Variants in MPHOSPH10 observed in about 807,000 individuals in gnomAD.
MPHOSPH10 encodes U3 small nucleolar ribonucleoprotein MPP10.
A neutral mutation model predicts 77.3 loss-of-function variants in MPHOSPH10; 33 were observed. The observed-to-expected ratio is 0.43, with a 90% CI of 0.32 to 0.57. MPHOSPH10 has a LOEUF of 0.57. Ranked by LOEUF, MPHOSPH10 falls within the 20% of genes least tolerant of loss-of-function variation. The pLI is 0.07. For missense variants in MPHOSPH10, 708 were observed against 780.1 expected (o/e 0.91, Z 1.10); for synonymous variants, 245 against 268.0 (o/e 0.91, Z 0.84).
chr2:71,138,926 C>T lies in MPHOSPH10; in HGVS notation c.1240+295C>T, dbSNP rs377141312. On this transcript the variant is annotated intron_variant, in intron 5 of 10. Coordinates refer to ENST00000244230, the MANE Select transcript of MPHOSPH10 (RefSeq NM_005791.3). ...GGCAGATTTCAGAATCCCATCTACT[C>T]GGAAGGCTGAGGCAGGAGAATTGCT... is the stretch of plus-strand genomic sequence containing the variant. 7.7e-5 allele frequency: 45 copies of T among 584,686 alleles called. No individual in the cohort carries two copies. The East Asian group carries it at 8.3e-4, about 11-fold the overall frequency. 36.2% of individuals were successfully genotyped at this position (584,686 alleles called of 1,614,324 possible). A position where few individuals can be genotyped will look rare whatever the true frequency, so the allele number is the denominator to read the frequency against.
intron 4 of MPHOSPH10, among the ~76,000 whole-genome samples, chr2:71,137,700 A>G (rs1673524736): frequency 1.3e-5 from 2 of 150,440 alleles, no homozygotes; most frequent in African/African-American, 2.4e-5. Flanking sequence ...CTGCAGATGT[A>G]TTTATATTCC....
At chr2:71,134,229 A>G (rs1307860547) in intron 3 of MPHOSPH10, 124 bp downstream of exon 3, 2 of 968,160 alleles carry the variant, frequency 2.1e-6, no homozygotes, top group Non-Finnish European at 2.9e-6. Context: ...TATTCTCAAG[A>G]TAGCCAGAGG....
chr2:71,141,108 TTAA>T, intron 6 of MPHOSPH10, 121 bp from the exon 7 acceptor site: 1 of 407,900 alleles, frequency 2.5e-6, no homozygotes, highest in South Asian at 1.1e-4. Context: ...TATTAATATA[TTAA>T]TGATAATTTA....
chr2:71,134,649 A>G lies in MPHOSPH10; in HGVS notation c.950A>G (p.Glu317Gly). The G allele has an allele frequency of 6.2e-7, 1 of 1,604,566 alleles. No individual in the cohort carries two copies. Among genetic ancestry groups the G allele is most frequent in the Non-Finnish European group, 8.5e-7 (1 of 1,177,474 alleles). Residue 317 changes from glutamate (E) to glycine (G), a missense_variant, in exon 4 of 11, where the codon GAA becomes GGA. Physicochemically the swap from Glu to Gly is moderately conservative, Grantham distance 98. This residue lies in a region of MPHOSPH10 where 433 missense variants were observed against 432.6 expected (regional missense o/e 1.00). Coordinates refer to ENST00000244230, the MANE Select transcript of MPHOSPH10 (RefSeq NM_005791.3). Reference sequence around the variant, plus strand: ...AGGGATGAAGATGATGACCTTCAAGAAAATGAAGACAATAAACAACATAAA... The same window carrying G: ...AGGGATGAAGATGATGACCTTCAAGGAAATGAAGACAATAAACAACATAAA... ...SETDEDDDLQ[E>G]NEDNKQHKES...
At position 71,149,042 on chromosome 2, in the gene MPHOSPH10, A is replaced by C. The variant is rs72905550; in HGVS notation, c.1666-181A>C. 6.8e-3 allele frequency: 4,260 copies of C among 622,410 alleles called. 133 individuals are homozygous for C. The African/African-American group carries it at 0.071, about 10-fold the overall frequency. 38.6% of individuals were successfully genotyped at this position (622,410 alleles called of 1,614,324 possible). On this transcript the variant is annotated intron_variant, in intron 9 of 10. Coordinates refer to ENST00000244230, the MANE Select transcript of MPHOSPH10 (RefSeq NM_005791.3). ...CTGTGCCTGTCAAAGAATGCATTTC[A>C]GGTTTTAAAGAGCTGAGTTACCAAC...
At chr2:71,133,683 T>C (rs1200176669) in intron 2 of MPHOSPH10, 107 bp downstream of exon 2, 8 of 1,205,420 alleles carry the variant, frequency 6.6e-6, no homozygotes, top group Non-Finnish European at 1.2e-6. Flanking sequence ...ATAAGAAATA[T>C]TGTGCTCTAT....
At position 71,133,476 on chromosome 2, in the gene MPHOSPH10, G is replaced by A. The variant is rs774717234; in HGVS notation, c.668G>A (p.Arg223Gln). ...GAAAACATAGAAAAAGAAGAGGAAC[G>A]AAAAGATGATAATGATGAGGAGGAG... ...YLENIEKEEE[R>Q]KDDNDEEEED... The change falls in exon 2 of 11, where the codon CGA becomes CAA. Residue 223 changes from arginine (R) to glutamine (Q), a missense_variant. By Grantham distance (43) the Arg-to-Gln change is conservative (BLOSUM62 1). Transcript: ENST00000244230. The A allele has an allele frequency of 2.4e-5, 38 of 1,613,484 alleles. No homozygotes were observed. The highest frequency in any genetic ancestry group is 2.8e-5 in the Non-Finnish European group (33 of 1,179,720).
intron 4 of MPHOSPH10, among the ~76,000 whole-genome samples, chr2:71,135,382 C>T (rs1375429388): frequency 7.8e-6 from 1 of 127,628 alleles, no homozygotes. Context: ...CCCATCTCTA[C>T]TAAAAAAAAA....
chr2:71,130,943 A>G (rs1673364689), intron 1 of MPHOSPH10, 189 bp downstream of exon 1: 1 of 589,136 alleles, frequency 1.7e-6, no homozygotes, highest in South Asian at 2.1e-5. Flanking sequence ...GTATAGATGG[A>G]TCTCTCAGTT....
intron 4 of MPHOSPH10, among the ~76,000 whole-genome samples, chr2:71,135,707 T>C (rs1673475928): frequency 1.3e-5 from 2 of 148,438 alleles, no homozygotes; most frequent in African/African-American, 4.9e-5. Context: ...TTTTTCTTTT[T>C]TTTTTTTTTT....
At position 71,141,485 on chromosome 2, in the gene MPHOSPH10, T is replaced by C. The variant is rs562238957; in HGVS notation, c.1446+116T>C. On this transcript the variant is annotated intron_variant, in intron 7 of 10. Transcript: ENST00000244230. ...AATCTTGAGCTCTTTGGCTACCTCA[T>C]GTAAGTATGAGACAGAGCATGCTAG... 23 of 834,354 alleles carry C rather than the reference T, an allele frequency of 2.8e-5. No homozygotes were observed. In the South Asian group the frequency reaches 6.4e-4, roughly 23 times the overall value. 51.7% of individuals were successfully genotyped at this position (834,354 alleles called of 1,614,324 possible). A position where few individuals can be genotyped will look rare whatever the true frequency, so the allele number is the denominator to read the frequency against.
In MPHOSPH10 at chr2:71,149,960, CAGAAA is replaced by C. The variant is rs745318885; in HGVS notation, c.1998_2002del (p.Lys667GlufsTer10). ...ATGCAAATCAATGATGCAAAGAAAA[CAGAAA>C]AGAAAAAGAAGAAAAGACAGGATAT... On this transcript the variant is annotated frameshift_variant, in exon 11 of 11. Coordinates refer to ENST00000244230, the MANE Select transcript of MPHOSPH10 (RefSeq NM_005791.3). LOFTEE classifies it high-confidence loss of function. 87 of 1,517,528 alleles carry C rather than the reference CAGAAA, an allele frequency of 5.7e-5. No homozygotes were observed. The East Asian group carries it at 1.2e-3, about 21-fold the overall frequency. 94.0% of individuals were successfully genotyped at this position (1,517,528 alleles called of 1,614,324 possible).
chr2:71,147,093 AT>A lies in MPHOSPH10; in HGVS notation c.1558-903del, dbSNP rs143925003. 5.8e-3 allele frequency among the ~76,000 whole-genome samples: 877 copies of A among 152,202 alleles called. 9 individuals are homozygous for A. The highest frequency in any genetic ancestry group is 0.02 in the African/African-American group (850 of 41,498). On this transcript the variant is annotated intron_variant, in intron 8 of 10. Coordinates refer to ENST00000244230, the MANE Select transcript of MPHOSPH10 (RefSeq NM_005791.3). ...TTTGAGTTTTTCAGTATTATTTCAT[AT>A]TTGTTTATAGAGATGTTTTCAGTAG...
rs1274871858 is a variant in MPHOSPH10 at position 71,138,937 on chromosome 2, G to A, written c.1240+306G>A. On this transcript the variant is annotated intron_variant, in intron 5 of 10. Transcript: ENST00000244230. ...GAATCCCATCTACTCGGAAGGCTGAGGCAGGAGAATTGCTTGAACCCAGAA... is the reference window on the plus strand; with the variant it reads ...GAATCCCATCTACTCGGAAGGCTGAAGCAGGAGAATTGCTTGAACCCAGAA... 4 of 575,840 alleles carry A rather than the reference G, an allele frequency of 6.9e-6. No homozygotes were observed. In the Admixed American group the frequency reaches 9.0e-5, roughly 13 times the overall value. 35.7% of individuals were successfully genotyped at this position (575,840 alleles called of 1,614,324 possible).
intron 1 of MPHOSPH10, among the ~76,000 whole-genome samples, chr2:71,131,346 A>G (rs1355977384): frequency 1.3e-5 from 2 of 152,328 alleles, no homozygotes; most frequent in South Asian, 4.1e-4. Flanking sequence ...GGATATCCAC[A>G]CTGTACAACT....
intron 4 of MPHOSPH10, among the ~76,000 whole-genome samples, 175 bp from the exon 5 acceptor site, chr2:71,138,315 A>C (rs1388561996): frequency 6.6e-6 from 1 of 152,202 alleles, no homozygotes; most frequent in Non-Finnish European, 1.5e-5. Context: ...TTTGCAGCTC[A>C]CCCCACCATA....
rs1673360520 is a variant in MPHOSPH10, at chr2:71,130,749, C to A, written c.84C>A (p.Phe28Leu). The change falls in exon 1 of 11, where the codon TTC (phenylalanine) becomes TTA (leucine). Residue 28 changes from phenylalanine (F) to leucine (L), a missense_variant. Phe to Leu is a conservative substitution (Grantham distance 22, BLOSUM62 0). This residue lies in a region of MPHOSPH10 where 433 missense variants were observed against 432.6 expected (regional missense o/e 1.00). Transcript: ENST00000244230. ...AAGCCACGGGTCGGCCCGAGTGCTTCCTCACGTAAGTGCGCAGATCCCGGG... is the reference window on the plus strand; with the variant it reads ...AAGCCACGGGTCGGCCCGAGTGCTTACTCACGTAAGTGCGCAGATCCCGGG... ...VGKATGRPEC[F>L]LTIQEGLASK... The A allele has an allele frequency of 2.5e-6, 4 of 1,607,812 alleles. No homozygotes were observed. The highest frequency in any genetic ancestry group is 1.3e-5 in the African/African-American group (1 of 74,802).
intron 5 of MPHOSPH10, chr2:71,139,035 T>C: frequency 2.4e-6 from 1 of 408,898 alleles, no homozygotes; most frequent in Non-Finnish European, 4.4e-6. Flanking sequence ...AGAGCGACAC[T>C]CTGTCAAAAA....
intron 4 of MPHOSPH10, among the ~76,000 whole-genome samples, chr2:71,137,917 C>A (rs1287890698): frequency 6.6e-6 from 1 of 152,022 alleles, no homozygotes; most frequent in Admixed American, 6.6e-5. Context: ...CTTGGTGAAA[C>A]CCCGTCTCTA....
Sources: gnomAD v4.1 joint callset for allele counts (sites outside exome capture counted in the v4.1 genomes callset) on GRCh38, gnomAD v4.1.1 for gene constraint, gnomAD v4.1.1 regional missense constraint, MANE v1.5 for transcripts, NCBI Gene and HGNC (gene_info 2026-07-23, HGNC 2026-07-21) for gene names.